Variants in SEMA3A observed in about 807,000 individuals in gnomAD.
The protein encoded by SEMA3A is semaphorin 3A, also known as semaphorin-3A.
Under a neutral mutation model 97.9 loss-of-function variants are expected in SEMA3A, and 29 were observed. That is an observed-to-expected ratio of 0.30 (90% CI 0.22 to 0.40). The LOEUF (loss-of-function observed/expected upper bound fraction) is 0.40. Ranked by LOEUF, SEMA3A falls within the 10% of genes least tolerant of loss-of-function variation. The pLI, the probability that SEMA3A is intolerant of heterozygous loss-of-function variation, is 1.00. For synonymous variants in SEMA3A, 321 were observed against 323.7 expected, an observed-to-expected ratio of 0.99 and a Z score of 0.09; for missense variants, 763 against 951.3, an observed-to-expected ratio of 0.80 and a Z score of 2.60.
chr7:84,167,959 T>G (rs544167611), intron 1 of SEMA3A, among the ~76,000 whole-genome samples: 2 of 152,278 alleles, frequency 1.3e-5, no homozygotes, highest in Admixed American at 1.3e-4. Context: ...ACAATTAAGT[T>G]ATTAGAAGAA....
intron 2 of SEMA3A, among the ~76,000 whole-genome samples, chr7:84,359,698 G>T (rs539984437): frequency 6.6e-6 from 1 of 152,160 alleles, no homozygotes; most frequent in Non-Finnish European, 1.5e-5. Context: ...GATTGGAATA[G>T]TTTCAGAAGG....
intron 2 of SEMA3A, among the ~76,000 whole-genome samples, chr7:84,342,020 T>G (rs1472176577): frequency 6.6e-6 from 1 of 152,086 alleles, no homozygotes; most frequent in Non-Finnish European, 1.5e-5. Context: ...TCAAGTCAGA[T>G]TCGTTTGTTC....
At chr7:84,282,985 G>A (rs746228244) in intron 3 of SEMA3A, among the ~76,000 whole-genome samples, 4 of 152,070 alleles carry the variant, frequency 2.6e-5, no homozygotes, top group Non-Finnish European at 5.9e-5. Context: ...CTGCACTCTA[G>A]CCTGGGCAAT....
chr7:83,985,527 A>G, intron 12 of SEMA3A, 50 bp from the exon 13 acceptor site: 1 of 1,467,594 alleles, frequency 6.8e-7, no homozygotes, highest in Non-Finnish European at 9.5e-7. Flanking sequence ...TAGAACAGCC[A>G]GCTATTAGTT....
At chr7:84,195,897 G>A (rs1446211136), upstream of SEMA3A, among the ~76,000 whole-genome samples, 1 of 152,172 alleles carries the variant, frequency 6.6e-6, no homozygotes, top group African/African-American at 2.4e-5. Context: ...TAAATTTTCT[G>A]TGGGACGTAT....
At chr7:84,364,986 T>C (rs1284473009) in intron 2 of SEMA3A, among the ~76,000 whole-genome samples, 1 of 151,708 alleles carries the variant, frequency 6.6e-6, no homozygotes, top group Non-Finnish European at 1.5e-5. Context: ...ATTAACTCTA[T>C]TCCCAGCTGT....
intron 1 of SEMA3A, among the ~76,000 whole-genome samples, chr7:84,466,671 T>G (rs1278616956): frequency 2.0e-5 from 3 of 152,184 alleles, no homozygotes; most frequent in African/African-American, 7.2e-5. Context: ...TACCATCAGA[T>G]CTTCTCCCAT....
At position 84,080,005 on chromosome 7, in the gene SEMA3A, A is replaced by C. The variant is rs1258283425; in HGVS notation, c.454-19447T>G. On this transcript the variant is annotated intron_variant, in intron 4 of 16. Coordinates refer to ENST00000265362, the MANE Select transcript of SEMA3A (RefSeq NM_006080.3). ...TAAGAAAATGTGGCACATATACACC[A>C]TGGAATACTATGCAGCCATAAAAAA... Among the ~76,000 whole-genome samples, 392 of 145,772 alleles carry C rather than the reference A, an allele frequency of 2.7e-3. 1 individual carries two copies. The highest frequency in any genetic ancestry group is 9.8e-3 in the African/African-American group (374 of 38,100).
intron 1 of SEMA3A, among the ~76,000 whole-genome samples, chr7:84,471,197 T>C (rs1171886019): frequency 6.6e-6 from 1 of 152,104 alleles, no homozygotes; most frequent in African/African-American, 2.4e-5. Context: ...TCATAAGCAT[T>C]AATCCTTATG....
intron 3 of SEMA3A, among the ~76,000 whole-genome samples, chr7:84,274,023 A>C (rs1454274326): frequency 6.6e-6 from 1 of 152,018 alleles, no homozygotes; most frequent in Non-Finnish European, 1.5e-5. Context: ...CATCTATATA[A>C]GCTTTATTTT....
intron 1 of SEMA3A, among the ~76,000 whole-genome samples, chr7:84,407,602 A>C (rs1804133546): frequency 6.6e-6 from 1 of 151,008 alleles, no homozygotes; most frequent in Non-Finnish European, 1.5e-5. Context: ...CCTAAGCCAA[A>C]AGAACAAAGC....
chr7:84,230,664 C>T (rs900400967), intron 3 of SEMA3A, among the ~76,000 whole-genome samples: 2 of 151,764 alleles, frequency 1.3e-5, no homozygotes, highest in African/African-American at 4.8e-5. Flanking sequence ...TGGTTCGGCT[C>T]TTATGTTTGT....
At chr7:83,988,710 T>A (rs543852646) in intron 12 of SEMA3A, among the ~76,000 whole-genome samples, 4 of 152,064 alleles carry the variant, frequency 2.6e-5, no homozygotes, top group Non-Finnish European at 4.4e-5. Flanking sequence ...AGTTATTAAA[T>A]ATAATAATTT....
At chr7:84,467,736 A>T (rs1806039561) in intron 1 of SEMA3A, among the ~76,000 whole-genome samples, 1 of 151,952 alleles carries the variant, frequency 6.6e-6, no homozygotes. Context: ...TCCTGCCTTC[A>T]CACAGACCAT....
At chr7:84,344,816 T>A (rs1052083672) in intron 2 of SEMA3A, among the ~76,000 whole-genome samples, 1 of 152,280 alleles carries the variant, frequency 6.6e-6, no homozygotes, top group Non-Finnish European at 1.5e-5. Context: ...CTTAGCACAC[T>A]CAGCATTAAG....
At chr7:84,033,789 G>T (rs1476183189) in intron 6 of SEMA3A, among the ~76,000 whole-genome samples, 1 of 151,790 alleles carries the variant, frequency 6.6e-6, no homozygotes, top group South Asian at 2.1e-4. Context: ...AATACAACTG[G>T]GTGGGCCCTG....
chr7:84,014,159 G>A (rs1374771161), intron 7 of SEMA3A, 50 bp downstream of exon 7: 3 of 1,545,132 alleles, frequency 1.9e-6, no homozygotes, highest in African/African-American at 2.8e-5. Flanking sequence ...AAAAAGCAAA[G>A]CTGTTATGGG....
intron 2 of SEMA3A, among the ~76,000 whole-genome samples, chr7:84,363,979 C>A (rs1192143044): frequency 6.6e-6 from 1 of 151,746 alleles, no homozygotes; most frequent in Non-Finnish European, 1.5e-5. Context: ...GGTATGAGAA[C>A]CCATCTATTT....
chr7:84,311,252 A>G (rs1432645148), intron 2 of SEMA3A, among the ~76,000 whole-genome samples: 2 of 151,924 alleles, frequency 1.3e-5, no homozygotes, highest in Non-Finnish European at 2.9e-5. Flanking sequence ...AGTTGCTTCC[A>G]TATCCTCAGT....
Sources: gnomAD v4.1 joint callset for allele counts (sites outside exome capture counted in the v4.1 genomes callset) on GRCh38, gnomAD v4.1.1 for gene constraint, MANE v1.5 for transcripts, NCBI Gene and HGNC (gene_info 2026-07-23, HGNC 2026-07-21) for gene names.